Variants in SASH1 observed in about 807,000 individuals in gnomAD.
SASH1 encodes SAM and SH3 domain-containing protein 1.
SASH1 carries 44 observed loss-of-function variants against 125.2 expected under a neutral mutation model. The ratio of observed to expected loss-of-function variants is 0.35; its 90% CI spans 0.28 to 0.45. The LOEUF is 0.45. SASH1 is among the 20% of genes least tolerant of loss of function. SASH1 has a pLI of 1.00. For synonymous variants in SASH1, 639 were observed against 649.1 expected (o/e 0.98, Z 0.24); for missense variants, 1,426 against 1,614.5 (o/e 0.88, Z 2.00).
intron 4 of SASH1, among the ~76,000 whole-genome samples, chr6:148,455,797 C>T (rs552083042): frequency 3.2e-4 from 49 of 152,296 alleles, no homozygotes; most frequent in Non-Finnish European, 5.0e-4. Context: ...CCATGCTGCC[C>T]GTTGGGAGAA....
the SASH1 span, among the ~76,000 whole-genome samples, chr6:148,200,326 T>C: frequency 1.3e-5 from 2 of 152,352 alleles, no homozygotes; most frequent in East Asian, 3.9e-4. Flanking sequence ...TAGTCTGTCT[T>C]GAATATGTTA....
chr6:148,503,850 G>T (rs1224636987), intron 8 of SASH1, among the ~76,000 whole-genome samples: 1 of 152,016 alleles, frequency 6.6e-6, no homozygotes, highest in Non-Finnish European at 1.5e-5. Flanking sequence ...AAGTGGGAAG[G>T]CATAAACCAA....
the SASH1 span, among the ~76,000 whole-genome samples, chr6:148,214,412 CT>C: frequency 6.6e-6 from 1 of 152,168 alleles, no homozygotes; most frequent in Non-Finnish European, 1.5e-5. Context: ...TATTGAACCA[CT>C]TTTCTGCTAT....
intron 1 of SASH1, among the ~76,000 whole-genome samples, chr6:148,318,271 C>A (rs1780532249): frequency 6.6e-6 from 1 of 152,252 alleles, no homozygotes; most frequent in African/African-American, 2.4e-5. Context: ...GGTAGCATTA[C>A]AAAATATTTA....
At chr6:148,244,243 C>T in the SASH1 span, among the ~76,000 whole-genome samples, 1,129 of 152,298 alleles carry the variant, frequency 7.4e-3, 10 homozygotes, top group Middle Eastern at 0.027. Flanking sequence ...CGAAAGTATG[C>T]TTAGACTCCT....
the SASH1 span, among the ~76,000 whole-genome samples, chr6:148,241,511 C>T: frequency 6.6e-6 from 1 of 152,138 alleles, no homozygotes; most frequent in African/African-American, 2.4e-5. Flanking sequence ...GATTTATAGA[C>T]CCCTTGAATT....
the SASH1 span, among the ~76,000 whole-genome samples, chr6:148,243,090 C>T: frequency 2.6e-5 from 4 of 151,844 alleles, no homozygotes; most frequent in East Asian, 3.9e-4. Flanking sequence ...CTGAGACAGG[C>T]GAGTCACTTG....
intron 1 of SASH1, among the ~76,000 whole-genome samples, chr6:148,273,189 TTTC>T: frequency 6.6e-6 from 1 of 152,098 alleles, no homozygotes; most frequent in Admixed American, 6.5e-5. Context: ...GAGCCCAGGA[TTTC>T]TGGGCTGCAG....
Position 148,543,677 on chromosome 6 carries a change from C to T in SASH1, c.2210-3C>T, listed in dbSNP as rs910695165. ...GATTGTAAAATATTCCCTTGTCTCA[C>T]AGGCAAGACTCGGAAAGCTAGCCTC... On this transcript the variant is annotated splice_region_variant and splice_polypyrimidine_tract_variant and intron_variant, in intron 17 of 19. Coordinates refer to ENST00000367467, the MANE Select transcript of SASH1 (RefSeq NM_015278.5). The T allele has an allele frequency of 1.3e-6, 2 of 1,522,970 alleles. No homozygotes were observed. Among genetic ancestry groups the T allele is most frequent in the African/African-American group, 2.8e-5 (2 of 71,786 alleles). The allele number at this position is 1,522,970 out of a possible 1,614,324, so 94.3% of individuals were successfully genotyped here.
chr6:148,336,331 A>C (rs1392627685), intron 1 of SASH1, among the ~76,000 whole-genome samples: 1 of 151,744 alleles, frequency 6.6e-6, no homozygotes, highest in African/African-American at 2.4e-5. Flanking sequence ...GCCTGCCTCC[A>C]CGCCCATTAA....
chr6:148,228,999 T>TG, the SASH1 span, among the ~76,000 whole-genome samples: 1 of 151,918 alleles, frequency 6.6e-6, no homozygotes, highest in Non-Finnish European at 1.5e-5. Flanking sequence ...TTGGGCAACA[T>TG]GGTGCATACC....
intron 1 of SASH1, among the ~76,000 whole-genome samples, chr6:148,329,482 G>A (rs916623277): frequency 6.6e-6 from 1 of 152,218 alleles, no homozygotes; most frequent in African/African-American, 2.4e-5. Flanking sequence ...GTCACTTGAA[G>A]CTTCTCTCTC....
chr6:148,288,052 C>T (rs1310580632), intron 1 of SASH1, among the ~76,000 whole-genome samples: 2 of 152,194 alleles, frequency 1.3e-5, no homozygotes, highest in Non-Finnish European at 2.9e-5. Flanking sequence ...ACAGAAAAGA[C>T]GTTTCATCAT....
chr6:148,429,311 G>C (rs922492168), intron 2 of SASH1, among the ~76,000 whole-genome samples: 1 of 148,940 alleles, frequency 6.7e-6, no homozygotes, highest in Non-Finnish European at 1.5e-5. Context: ...GCTTGAGCCT[G>C]GGAGGTCAAG....
intron 2 of SASH1, among the ~76,000 whole-genome samples, chr6:148,439,018 G>A (rs1013838127): frequency 5.3e-5 from 8 of 152,134 alleles, no homozygotes; most frequent in Middle Eastern, 3.4e-3. Context: ...AAAGGTTTTC[G>A]GTATTGGTGT....
At chr6:148,296,703 T>G (rs1210509098) in intron 1 of SASH1, among the ~76,000 whole-genome samples, 1 of 152,072 alleles carries the variant, frequency 6.6e-6, no homozygotes, top group Non-Finnish European at 1.5e-5. Flanking sequence ...TTATCTAGAG[T>G]GTTACACGTA....
rs116064308 is a variant in SASH1 at position 148,436,733 on chromosome 6, C to G, written c.286-3451C>G. Among the ~76,000 whole-genome samples the G allele has an allele frequency of 2.5e-3, 378 of 152,266 alleles. 4 individuals are homozygous for G. The highest frequency in any genetic ancestry group is 8.9e-3 in the African/African-American group (368 of 41,558). On this transcript the variant is annotated intron_variant, in intron 2 of 19. Transcript: ENST00000367467. ...ATCCCCAGCTTTTGCATGTTCCCAG[C>G]TGAGGCTCCAAACACTGTAGAGCAG...
intron 7 of SASH1, chr6:148,478,575 C>T (rs958716618): frequency 1.1e-4 from 17 of 151,948 alleles, no homozygotes; most frequent in African/African-American, 3.4e-4. Flanking sequence ...TTAATGGGTA[C>T]GAAAGTATAG....
chr6:148,277,144 A>T (rs1779208558), intron 1 of SASH1, among the ~76,000 whole-genome samples: 1 of 152,154 alleles, frequency 6.6e-6, no homozygotes, highest in Admixed American at 6.5e-5. Context: ...GAACCCAGAG[A>T]GTCTGCCCCT....
Sources: gnomAD v4.1 joint callset for allele counts (sites outside exome capture counted in the v4.1 genomes callset) on GRCh38, gnomAD v4.1.1 for gene constraint, MANE v1.5 for transcripts, NCBI Gene and HGNC (gene_info 2026-07-23, HGNC 2026-07-21) for gene names.